Variants in EEA1 observed in about 807,000 individuals in gnomAD.
The protein encoded by EEA1 is early endosome antigen 1, 162kD.
In EEA1, 111 loss-of-function variants were observed where a neutral mutation model predicts 209.2. The ratio of observed to expected loss-of-function variants is 0.53; its 90% CI spans 0.45 to 0.62. The LOEUF (loss-of-function observed/expected upper bound fraction) is 0.62. Among genes scored for constraint, EEA1 ranks in the 20% least tolerant of loss-of-function variants. EEA1 has a pLI of 0.00. For synonymous variants in EEA1, 536 were observed against 540.6 expected, an observed-to-expected ratio of 0.99 and a Z score of 0.12; for missense variants, 1,343 against 1,530.8, an observed-to-expected ratio of 0.88 and a Z score of 2.05.
intron 1 of EEA1, among the ~76,000 whole-genome samples, chr12:92,896,411 A>G (rs1169937298): frequency 6.6e-6 from 1 of 152,240 alleles, no homozygotes; most frequent in East Asian, 1.9e-4. Flanking sequence ...CAAAGAATTT[A>G]GAATATTCCA....
intron 14 of EEA1, among the ~76,000 whole-genome samples, chr12:92,816,606 C>T (rs1875796186): frequency 6.6e-6 from 1 of 152,122 alleles, no homozygotes; most frequent in Admixed American, 6.5e-5. Context: ...ACTGATATTA[C>T]TTTTAAAATT....
At chr12:92,796,292 G>A (rs1026537089) in intron 21 of EEA1, among the ~76,000 whole-genome samples, 2 of 152,032 alleles carry the variant, frequency 1.3e-5, no homozygotes, top group African/African-American at 4.8e-5. Flanking sequence ...CTTGATTCTA[G>A]ATCAGTAACT....
chr12:92,780,962 AGTG>A (rs939479876), intron 23 of EEA1, among the ~76,000 whole-genome samples: 1 of 152,166 alleles, frequency 6.6e-6, no homozygotes, highest in Non-Finnish European at 1.5e-5. Flanking sequence ...GCTGGAGTGC[AGTG>A]GTATGATCAT....
Position 92,802,677 on chromosome 12 carries a change from C to G in EEA1, c.2397G>C (p.Lys799Asn), listed in dbSNP as rs1261406364. 3 of 1,605,552 alleles carry G rather than the reference C, an allele frequency of 1.9e-6. No individual in the cohort carries two copies. Among genetic ancestry groups the G allele is most frequent in the Non-Finnish European group, 2.5e-6 (3 of 1,177,800 alleles). The change falls in exon 19 of 29, where the codon AAG (lysine) becomes AAC (asparagine). Residue 799 changes from lysine to asparagine, a missense_variant. Around this residue, in one of 3 missense-constraint regions of EEA1, gnomAD observed 1,307 missense variants for 1,465.5 expected, o/e 0.89. Coordinates refer to ENST00000322349, the MANE Select transcript of EEA1 (RefSeq NM_003566.4). ...QKKSEALESI[K>N]QKLTKQEEEK... Reference sequence around the variant, plus strand: ...CTTCCTCTTGCTTGGTAAGCTTTTGCTTGATACTTTCAAGGGCTTCAGATT... The same window carrying G: ...CTTCCTCTTGCTTGGTAAGCTTTTGGTTGATACTTTCAAGGGCTTCAGATT...
At chr12:92,789,066 G>A (rs1455465090) in intron 21 of EEA1, among the ~76,000 whole-genome samples, 1 of 152,026 alleles carries the variant, frequency 6.6e-6, no homozygotes, top group African/African-American at 2.4e-5. Context: ...TGAGGTGGGT[G>A]ATCACCTGAG....
intron 17 of EEA1, 135 bp downstream of exon 17, chr12:92,811,144 G>C (rs530628670): frequency 9.6e-6 from 5 of 521,212 alleles, no homozygotes; most frequent in African/African-American, 5.9e-5. Context: ...AAAATTACAA[G>C]CAATTTTTTA....
chr12:92,929,105 A>G lies in EEA1; in HGVS notation c.-39T>C. The G allele has an allele frequency of 6.4e-7, 1 of 1,564,430 alleles. No homozygotes were observed. The highest frequency in any genetic ancestry group is 1.8e-5 in the Admixed American group (1 of 55,000). ...CCCGGCGCCGCCGCGGTGACTCTCC[A>G]GACCCTGCGCGGGGCCACTCACTAC... On this transcript the variant is annotated 5_prime_UTR_variant, in exon 1 of 29. Coordinates refer to ENST00000322349, the MANE Select transcript of EEA1 (RefSeq NM_003566.4).
rs183457839 is a variant in EEA1 at position 92,874,953 on chromosome 12, A to T, written c.118-9966T>A. ...ACATATGTATTGAACATCAAAATGT[A>T]ACCCACAAATAGGTGTAATTAAAAT... On this transcript the variant is annotated intron_variant, in intron 2 of 28. Coordinates refer to ENST00000322349, the MANE Select transcript of EEA1 (RefSeq NM_003566.4). 1.5e-3 allele frequency among the ~76,000 whole-genome samples: 225 copies of T among 152,360 alleles called. 1 individual carries two copies. The highest frequency in any genetic ancestry group is 2.1e-4 in the Non-Finnish European group (14 of 68,030).
intron 22 of EEA1, among the ~76,000 whole-genome samples, chr12:92,783,184 G>A (rs1017756404): frequency 5.3e-5 from 8 of 152,240 alleles, no homozygotes; most frequent in African/African-American, 1.9e-4. Context: ...ATTAATGATT[G>A]GTGTTTGGAG....
At position 92,834,546 on chromosome 12, in the gene EEA1, T is replaced by TAAAAAAAAAAAAAAAAAA. The variant is rs5800089; in HGVS notation, c.916-1714_916-1697dup. Among the ~76,000 whole-genome samples the TAAAAAAAAAAAAAAAAAA allele has an allele frequency of 4.0e-5, 3 of 74,430 alleles. 1 individual carries two copies. The allele number at this position is 74,430 out of a possible 152,430, so 48.8% of individuals were successfully genotyped here. A position where few individuals can be genotyped will look rare whatever the true frequency, so the allele number is the denominator to read the frequency against. On this transcript the variant is annotated intron_variant, in intron 10 of 28. Transcript: ENST00000322349. ...GGCAACAAGGGCAAGACCCTGTCAC[T>TAAAAAAAAAAAAAAAAAA]AAAAAAAAAAAAAAAAAAAAAAAGA...
intron 2 of EEA1, among the ~76,000 whole-genome samples, chr12:92,875,310 C>G (rs920045692): frequency 2.6e-5 from 4 of 152,104 alleles, no homozygotes; most frequent in Non-Finnish European, 5.9e-5. Context: ...GTGGCACGCG[C>G]CTGTGGTCTC....
At chr12:92,798,819 G>T in intron 21 of EEA1, 73 bp downstream of exon 21, 1 of 1,198,192 alleles carries the variant, frequency 8.3e-7, no homozygotes, top group Non-Finnish European at 1.1e-6. Context: ...TTATCCATCT[G>T]TATTAATCAT....
chr12:92,927,284 A>G (rs1239313777), intron 1 of EEA1, among the ~76,000 whole-genome samples: 1 of 152,230 alleles, frequency 6.6e-6, no homozygotes, highest in African/African-American at 2.4e-5. Context: ...AGCCTCCCAC[A>G]ACGCAGAATT....
At chr12:92,896,194 G>A (rs566458272) in intron 1 of EEA1, among the ~76,000 whole-genome samples, 3 of 152,006 alleles carry the variant, frequency 2.0e-5, no homozygotes, top group African/African-American at 7.2e-5. Flanking sequence ...GGATGGTCTC[G>A]ATCTCTTCAC....
intron 15 of EEA1, among the ~76,000 whole-genome samples, chr12:92,815,929 G>C (rs1875759144): frequency 6.6e-6 from 1 of 151,400 alleles, no homozygotes; most frequent in African/African-American, 2.4e-5. Context: ...AAGAGCCAGA[G>C]ACAGAGAGAC....
intron 18 of EEA1, among the ~76,000 whole-genome samples, chr12:92,807,198 C>T (rs1322607169): frequency 6.6e-6 from 1 of 152,140 alleles, no homozygotes; most frequent in Non-Finnish European, 1.5e-5. Context: ...AGATGATCTG[C>T]CTGCCTCAGC....
chr12:92,789,410 T>C (rs1319360512), intron 21 of EEA1, among the ~76,000 whole-genome samples: 1 of 152,160 alleles, frequency 6.6e-6, no homozygotes, highest in African/African-American at 2.4e-5. Flanking sequence ...CTTATGTCTC[T>C]AACTGCAACC....
At chr12:92,850,615 G>A (rs182377055) in intron 9 of EEA1, among the ~76,000 whole-genome samples, 3 of 148,758 alleles carry the variant, frequency 2.0e-5, no homozygotes, top group East Asian at 4.0e-4. Flanking sequence ...ACTTGAACCC[G>A]GGAGGTGGAT....
chr12:92,776,380 AGAG>A (rs1247350435), intron 28 of EEA1, among the ~76,000 whole-genome samples: 1 of 151,938 alleles, frequency 6.6e-6, no homozygotes, highest in African/African-American at 2.4e-5. Flanking sequence ...CAAAAGAACC[AGAG>A]GAGGCATTTA....
Sources: allele counts gnomAD v4.1 joint callset (sites outside exome capture counted in the v4.1 genomes callset), GRCh38; gene constraint gnomAD v4.1.1; regional missense constraint gnomAD v4.1.1; transcripts MANE v1.5; gene names NCBI Gene and HGNC (gene_info 2026-07-23, HGNC 2026-07-21).